RSAD2: variants seen among roughly 807,000 people sequenced by gnomAD.
The protein encoded by RSAD2 is radical S-adenosyl methionine domain containing 2.
Under a neutral mutation model 37.7 loss-of-function variants are expected in RSAD2, and 38 were observed. The ratio of observed to expected loss-of-function variants is 1.01; its 90% CI spans 0.78 to 1.32. The LOEUF (loss-of-function observed/expected upper bound fraction) is 1.32, where lower values mean the gene tolerates loss of function less well. Ranked by LOEUF, RSAD2 falls within the 40% of genes most tolerant of loss-of-function variation. The pLI is 0.00. For missense variants in RSAD2, 428 were observed against 437.5 expected (o/e 0.98, Z 0.19); for synonymous variants, 163 against 157.4 (o/e 1.04, Z -0.27).
intron 1 of RSAD2, among the ~76,000 whole-genome samples, chr2:6,879,674 G>GTTT (rs202112317): frequency 6.9e-6 from 1 of 145,838 alleles, no homozygotes; most frequent in South Asian, 2.2e-4. Flanking sequence ...ATTTTGTTCA[G>GTTT]TTTTTTTTTT....
intron 4 of RSAD2, among the ~76,000 whole-genome samples, chr2:6,891,691 C>T (rs372414994): frequency 2.6e-4 from 39 of 152,168 alleles, no homozygotes; most frequent in Non-Finnish European, 5.1e-4. Flanking sequence ...GGTGTGAACC[C>T]GGGAGGCGGA....
At chr2:6,894,238 G>A (rs1339085973) in intron 5 of RSAD2, among the ~76,000 whole-genome samples, 3 of 152,044 alleles carry the variant, frequency 2.0e-5, no homozygotes, top group Non-Finnish European at 2.9e-5. Context: ...TCCAAAGGAA[G>A]AGGGAAACCT....
intron 2 of RSAD2, among the ~76,000 whole-genome samples, chr2:6,886,209 G>A (rs1663516438): frequency 6.6e-6 from 1 of 152,220 alleles, no homozygotes; most frequent in Admixed American, 6.5e-5. Context: ...AAGGAGCAGA[G>A]GAAATTGGAG....
chr2:6,866,403 C>T, intron 1 of RSAD2: 3 of 981,368 alleles, frequency 3.1e-6, no homozygotes, highest in Non-Finnish European at 3.6e-6. Flanking sequence ...CCTGTGCACA[C>T]ACTCACCTTT....
chr2:6,872,309 C>A (rs1663215641), intron 1 of RSAD2, among the ~76,000 whole-genome samples: 1 of 152,086 alleles, frequency 6.6e-6, no homozygotes, highest in South Asian at 2.1e-4. Flanking sequence ...AACAAGAGTT[C>A]TTTGGATCTG....
chr2:6,891,908 T>C (rs944152844), intron 4 of RSAD2, among the ~76,000 whole-genome samples: 2 of 152,128 alleles, frequency 1.3e-5, no homozygotes, highest in African/African-American at 2.4e-5. Flanking sequence ...AATTTTTAAG[T>C]GACAAGGAGA....
At chr2:6,886,853 A>G (rs528713495) in intron 2 of RSAD2, 82 bp from the exon 3 acceptor site, 23 of 956,412 alleles carry the variant, frequency 2.4e-5, no homozygotes, top group Non-Finnish European at 3.6e-5. Context: ...TAAACAAGAT[A>G]TATTTTATCA....
intron 1 of RSAD2, among the ~76,000 whole-genome samples, chr2:6,871,353 A>G (rs1663201077): frequency 6.6e-6 from 1 of 152,178 alleles, no homozygotes; most frequent in African/African-American, 2.4e-5. Flanking sequence ...ATTTTAAGAA[A>G]AGGTTCTAAA....
chr2:6,872,103 T>C (rs548937900), intron 1 of RSAD2, among the ~76,000 whole-genome samples: 33 of 152,276 alleles, frequency 2.2e-4, no homozygotes, highest in Admixed American at 2.0e-3. Flanking sequence ...TCGGTAATGG[T>C]TATGTTTTGT....
intron 1 of RSAD2, among the ~76,000 whole-genome samples, chr2:6,867,945 A>T (rs1162871407): frequency 6.6e-6 from 1 of 152,178 alleles, no homozygotes; most frequent in East Asian, 1.9e-4. Context: ...TTTCTGTTAG[A>T]TTTTCAAGCC....
intron 2 of RSAD2, among the ~76,000 whole-genome samples, chr2:6,884,464 A>G (rs1358489837): frequency 6.6e-6 from 1 of 151,098 alleles, no homozygotes; most frequent in African/African-American, 2.5e-5. Context: ...GAACTTTGGG[A>G]ACCATACTCA....
chr2:6,882,954 A>T (rs1663444167), intron 1 of RSAD2, among the ~76,000 whole-genome samples: 1 of 151,720 alleles, frequency 6.6e-6, no homozygotes, highest in Non-Finnish European at 1.5e-5. Context: ...CTCCAAAATA[A>T]GGGAGTAGCC....
intron 2 of RSAD2, among the ~76,000 whole-genome samples, chr2:6,886,020 A>G (rs1406914945): frequency 6.6e-6 from 1 of 152,220 alleles, no homozygotes; most frequent in Admixed American, 6.5e-5. Context: ...TTATAATATT[A>G]GAGGATAGTT....
upstream of RSAD2, among the ~76,000 whole-genome samples, chr2:6,873,258 A>G (rs1352145002): frequency 6.6e-6 from 1 of 152,192 alleles, no homozygotes; most frequent in Non-Finnish European, 1.5e-5. Flanking sequence ...CCATGTAACC[A>G]GGAAGCTTCC....
chr2:6,869,369 C>T (rs1663165669), intron 1 of RSAD2, among the ~76,000 whole-genome samples: 1 of 127,226 alleles, frequency 7.9e-6, no homozygotes, highest in Non-Finnish European at 1.6e-5. Context: ...CACACACACA[C>T]ATACACACTC....
At chr2:6,892,303 C>A (rs181014974) in intron 4 of RSAD2, among the ~76,000 whole-genome samples, 2 of 152,188 alleles carry the variant, frequency 1.3e-5, no homozygotes, top group African/African-American at 4.8e-5. Context: ...ACAAGAAAAT[C>A]TCAGAATGAA....
upstream of RSAD2, among the ~76,000 whole-genome samples, chr2:6,874,587 C>G (rs1209358742): frequency 1.3e-5 from 2 of 152,036 alleles, no homozygotes; most frequent in African/African-American, 4.8e-5. Flanking sequence ...TCAGCTATAG[C>G]CCAAAATTAC....
At chr2:6,868,899 G>A (rs1663154736) in intron 1 of RSAD2, among the ~76,000 whole-genome samples, 2 of 152,216 alleles carry the variant, frequency 1.3e-5, no homozygotes, top group South Asian at 4.1e-4. Flanking sequence ...CATGGTTGGT[G>A]ATTCTGTTAT....
At chr2:6,894,210 T>A (rs557899664) in intron 5 of RSAD2, among the ~76,000 whole-genome samples, 37 of 152,256 alleles carry the variant, frequency 2.4e-4, no homozygotes, top group African/African-American at 8.9e-4. Flanking sequence ...ACTGATATTA[T>A]TCCTACCCCC....
Sources: allele counts gnomAD v4.1 joint callset (sites outside exome capture counted in the v4.1 genomes callset), GRCh38; gene constraint gnomAD v4.1.1; transcripts MANE v1.5; gene names NCBI Gene and HGNC (gene_info 2026-07-23, HGNC 2026-07-21).